The following PCDHA10 variants were observed in gnomAD, a reference collection of about 807,000 sequenced individuals.
The protein encoded by PCDHA10 is protocadherin alpha-10.
PCDHA10 carries 45 observed loss-of-function variants against 61.2 expected under a neutral mutation model. The ratio of observed to expected loss-of-function variants is 0.74; its 90% CI spans 0.58 to 0.94. The LOEUF (loss-of-function observed/expected upper bound fraction) is 0.94. PCDHA10 is among the 40% of genes least tolerant of loss of function. The pLI, the probability that PCDHA10 is intolerant of heterozygous loss-of-function variation, is 0.00. For missense variants in PCDHA10, 1,278 were observed against 1,236.2 expected (o/e 1.03, Z -0.51); for synonymous variants, 602 against 548.8 (o/e 1.10, Z -1.35).
At chr5:140,861,386 G>A in intron 1 of PCDHA10, 1 of 440,552 alleles carries the variant, frequency 2.3e-6, no homozygotes, top group Non-Finnish European at 4.6e-6. Context: ...CGCAGGACCT[G>A]GGTCTGGAGC....
In PCDHA10 at chr5:140,856,352, A is replaced by G; in HGVS notation, c.304A>G (p.Ser102Gly). The change falls in exon 1 of 4, where the codon AGC (serine) becomes GGC (glycine). Residue 102 changes from serine (S) to glycine (G), a missense_variant. Coordinates refer to ENST00000307360, the MANE Select transcript of PCDHA10 (RefSeq NM_018901.4). ...GCTGTGCGGGCGGAGCGTGGAGTGC[A>G]GCATCCACCTGGAGGTGATCGTGGA... ...EELCGRSVEC[S>G]IHLEVIVDRP... 6.3e-7 allele frequency: 1 copy of G among 1,598,598 alleles called. No homozygotes were observed. The highest frequency in any genetic ancestry group is 1.1e-5 in the South Asian group (1 of 90,536).
intron 1 of PCDHA10, among the ~76,000 whole-genome samples, chr5:140,937,039 C>CTTT (rs34994034): frequency 3.6e-5 from 5 of 140,162 alleles, no homozygotes; most frequent in African/African-American, 5.3e-5. Context: ...TTCCATTTAT[C>CTTT]TTTTTTTTTT....
Position 140,883,261 on chromosome 5 carries a change from G to A in PCDHA10, c.2388+24825G>A, listed in dbSNP as rs148578758. The A allele has an allele frequency of 8.1e-5, 131 of 1,613,912 alleles. No individual in the cohort carries two copies. In the African/African-American group the frequency reaches 1.7e-3, roughly 21 times the overall value. On this transcript the variant is annotated intron_variant, in intron 1 of 3. Transcript: ENST00000307360. Reference sequence around the variant, plus strand: ...TTGACAAAGGAAATATTCCAATGGCGGGTCATTGTACCCTTTTGGTGGAAG... The same window carrying A: ...TTGACAAAGGAAATATTCCAATGGCAGGTCATTGTACCCTTTTGGTGGAAG...
At chr5:140,876,555 G>A (rs782622293) in intron 1 of PCDHA10, 18 of 1,614,072 alleles carry the variant, frequency 1.1e-5, no homozygotes, top group Admixed American at 3.3e-5. Flanking sequence ...CTGTGCAAGA[G>A]GATGCTCAGG....
At chr5:140,937,789 G>A (rs1413517840) in intron 1 of PCDHA10, among the ~76,000 whole-genome samples, 1 of 151,816 alleles carries the variant, frequency 6.6e-6, no homozygotes, top group Non-Finnish European at 1.5e-5. Flanking sequence ...GCGGGCGTAT[G>A]TAGTCCCAGC....
chr5:140,871,278 G>T (rs782014542), intron 1 of PCDHA10: 3 of 1,613,918 alleles, frequency 1.9e-6, no homozygotes, highest in East Asian at 4.5e-5. Flanking sequence ...GGTCGGCAAC[G>T]CCCACTGAGG....
intron 1 of PCDHA10, among the ~76,000 whole-genome samples, chr5:140,920,752 G>A (rs2079807244): frequency 6.6e-6 from 1 of 151,768 alleles, no homozygotes; most frequent in African/African-American, 2.4e-5. Context: ...GCTGAGGCAG[G>A]AGAATTGCTT....
Position 141,009,792 on chromosome 5 carries a change from C to G in PCDHA10, c.2702C>G (p.Pro901Arg), listed in dbSNP as rs1359138927. ...SPAIISIRQEPTNSQIDKSDF... is the reference protein window; with the variant it reads ...SPAIISIRQERTNSQIDKSDF... ...GCAATCATCTCCATCCGGCAGGAGC[C>G]TACTAACAGCCAAATTGACAAAAGT... The change falls in exon 4 of 4, where the codon CCT (proline) becomes CGT (arginine). Residue 901 changes from proline (P) to arginine (R), a missense_variant. Physicochemically the swap from Pro to Arg is moderately radical, Grantham distance 103. Coordinates refer to ENST00000307360, the MANE Select transcript of PCDHA10 (RefSeq NM_018901.4). The G allele has an allele frequency of 4.3e-6, 7 of 1,613,950 alleles. 1 individual carries two copies. Among genetic ancestry groups the G allele is most frequent in the Middle Eastern group, 3.3e-4 (2 of 6,084 alleles).
chr5:140,884,634 GGGA>G (rs1562808845), intron 1 of PCDHA10: 3 of 1,612,414 alleles, frequency 1.9e-6, no homozygotes, highest in Non-Finnish European at 2.5e-6. Context: ...ACAGGCCAGA[GGGA>G]GGAGGACTCA....
At chr5:140,917,906 G>C (rs1334892378) in intron 1 of PCDHA10, among the ~76,000 whole-genome samples, 1 of 151,938 alleles carries the variant, frequency 6.6e-6, no homozygotes, top group East Asian at 1.9e-4. Flanking sequence ...TGTTAGGATA[G>C]TTTGTTTTTC....
intron 3 of PCDHA10, among the ~76,000 whole-genome samples, chr5:140,990,502 A>T (rs1303617067): frequency 6.6e-6 from 1 of 152,164 alleles, no homozygotes; most frequent in African/African-American, 2.4e-5. Context: ...ACATTCCCCA[A>T]GTCTTCTCTC....
chr5:140,928,106 G>GGGA lies in PCDHA10; in HGVS notation c.2389-50841_2389-50839dup, dbSNP rs2084940814. The stretch of plus-strand genomic sequence containing the variant: ...CTGCTGATTGATGGGCCCCTGGACC[G>GGGA]GGAGCAGATCAGTGAATACCAAGTC... On this transcript the variant is annotated intron_variant, in intron 1 of 3. Coordinates refer to ENST00000307360, the MANE Select transcript of PCDHA10 (RefSeq NM_018901.4). The GGGA allele has an allele frequency of 1.9e-6, 3 of 1,614,032 alleles. No individual in the cohort carries two copies. In the South Asian group the frequency reaches 3.3e-5, roughly 18 times the overall value.
At chr5:140,952,972 A>G (rs1206326487) in intron 1 of PCDHA10, among the ~76,000 whole-genome samples, 1 of 152,074 alleles carries the variant, frequency 6.6e-6, no homozygotes, top group Non-Finnish European at 1.5e-5. Context: ...CACACTTTTA[A>G]ACAACAAGAT....
At chr5:140,959,234 G>A (rs2095475246) in intron 1 of PCDHA10, among the ~76,000 whole-genome samples, 2 of 152,106 alleles carry the variant, frequency 1.3e-5, no homozygotes, top group Admixed American at 6.5e-5. Context: ...AAAATTATCT[G>A]GGCATGATAG....
intron 3 of PCDHA10, among the ~76,000 whole-genome samples, chr5:141,005,658 C>T (rs1014602554): frequency 6.9e-4 from 96 of 138,640 alleles, no homozygotes; most frequent in African/African-American, 2.4e-3. Flanking sequence ...GTCGAGATCG[C>T]GCCACTGCAC....
Position 141,009,711 on chromosome 5 carries a change from C to G in PCDHA10, c.2621C>G (p.Pro874Arg), listed in dbSNP as rs575518914. Reference sequence around the variant, plus strand: ...ACCTTTAAATACGGACCAGGCAACCCCAAACAATCCGGTCCCGGTGAGTTG... The same window carrying G: ...ACCTTTAAATACGGACCAGGCAACCGCAAACAATCCGGTCCCGGTGAGTTG... The part of the protein sequence containing the change: ...SWTFKYGPGN[P>R]KQSGPGELPD... Residue 874 changes from proline to arginine, a missense_variant, in exon 4 of 4, where the codon CCC (proline) becomes CGC (arginine). Transcript: ENST00000307360. The G allele has an allele frequency of 6.2e-6, 10 of 1,613,982 alleles. No homozygotes were observed. Among genetic ancestry groups the G allele is most frequent in the Non-Finnish European group, 8.5e-6 (10 of 1,180,036 alleles).
chr5:140,859,671 C>T (rs2045960419), intron 1 of PCDHA10: 1 of 153,888 alleles, frequency 6.5e-6, no homozygotes, highest in Non-Finnish European at 1.4e-5. Context: ...CAAATAGCTT[C>T]AAATAAAATT....
intron 1 of PCDHA10, chr5:140,877,777 C>T: frequency 6.2e-7 from 1 of 1,614,172 alleles, no homozygotes; most frequent in South Asian, 1.1e-5. Context: ...CAAGACGGAC[C>T]TCATGGCCTT....
chr5:140,979,058 C>A, intron 2 of PCDHA10, 51 bp downstream of exon 2: 3 of 1,606,096 alleles, frequency 1.9e-6, no homozygotes, highest in Non-Finnish European at 2.6e-6. Context: ...CTTGGTATGG[C>A]TCAGATAAAC....
Sources: gnomAD v4.1 joint callset for allele counts (sites outside exome capture counted in the v4.1 genomes callset) on GRCh38, gnomAD v4.1.1 for gene constraint, MANE v1.5 for transcripts, NCBI Gene and HGNC (gene_info 2026-07-23, HGNC 2026-07-21) for gene names.